MYOF: variants seen among roughly 807,000 people sequenced by gnomAD.
The protein encoded by MYOF is fer-1-like 3, myoferlin.
Under a neutral mutation model 284.2 loss-of-function variants are expected in MYOF, and 244 were observed. The observed-to-expected ratio is 0.86, with a 90% CI of 0.77 to 0.95. The LOEUF (loss-of-function observed/expected upper bound fraction) is 0.95. Ranked by LOEUF, MYOF falls within the 40% of genes least tolerant of loss-of-function variation. The probability of loss-of-function intolerance (pLI) is 0.00; values close to 1 mark genes in which losing one functional copy is unlikely to be tolerated. For synonymous variants in MYOF, 904 were observed against 919.7 expected (o/e 0.98, Z 0.31); for missense variants, 2,496 against 2,560.6 (o/e 0.97, Z 0.54).
At chr10:93,374,716 G>T in intron 23 of MYOF, 47 bp downstream of exon 23, 1 of 1,567,292 alleles carries the variant, frequency 6.4e-7, no homozygotes, top group Non-Finnish European at 8.7e-7. Context: ...ATTTCGCAGA[G>T]CCCTTCTTCC....
Position 93,363,952 on chromosome 10 carries a change from G to C in MYOF, c.2868+9C>G, listed in dbSNP as rs201703587. 4 of 1,612,722 alleles carry C rather than the reference G, an allele frequency of 2.5e-6. No homozygotes were observed. Among genetic ancestry groups the C allele is most frequent in the South Asian group, 1.1e-5 (1 of 90,996 alleles). On this transcript the variant is annotated intron_variant, in intron 27 of 53. Transcript: ENST00000359263. ...AGGTGAGAGTTTCTCTCCGGAGCAG[G>C]CCACTCACCGCATCCGTGTAGGTGT... is the stretch of plus-strand genomic sequence containing the variant.
At chr10:93,307,112 C>CTTG in intron 53 of MYOF, 111 bp from the exon 54 acceptor site, 1 of 1,009,314 alleles carries the variant, frequency 9.9e-7, no homozygotes, top group Non-Finnish European at 1.5e-6. Context: ...ATGATTCTTT[C>CTTG]TTGTTGGGGA....
intron 48 of MYOF, among the ~76,000 whole-genome samples, chr10:93,320,681 G>A (rs1261665803): frequency 6.6e-6 from 1 of 151,958 alleles, no homozygotes; most frequent in Non-Finnish European, 1.5e-5. Flanking sequence ...CCTACTGAAG[G>A]AATGAATGAA....
chr10:93,397,307 G>GA lies in MYOF; in HGVS notation c.1291-18dup. ...TGAAGGAAACTAAAAAAATGAGACA[G>GA]AAAAAAGTAGTTATTTCTCAATGAT... On this transcript the variant is annotated splice_polypyrimidine_tract_variant and intron_variant, in intron 14 of 53. Coordinates refer to ENST00000359263, the MANE Select transcript of MYOF (RefSeq NM_013451.4). 4 of 1,598,530 alleles carry GA rather than the reference G, an allele frequency of 2.5e-6. No individual in the cohort carries two copies. In the South Asian group the frequency reaches 3.4e-5, roughly 13 times the overall value.
intron 1 of MYOF, among the ~76,000 whole-genome samples, chr10:93,465,055 G>C (rs2056971580): frequency 2.0e-5 from 3 of 152,156 alleles, no homozygotes; most frequent in Non-Finnish European, 4.4e-5. Flanking sequence ...ACTGTTCCCA[G>C]TACTTCCCAT....
In MYOF at chr10:93,397,232, G is replaced by T; in HGVS notation, c.1334+15C>A. The T allele has an allele frequency of 6.4e-7, 1 of 1,552,030 alleles. No homozygotes were observed. Among genetic ancestry groups the T allele is most frequent in the Middle Eastern group, 2.3e-4 (1 of 4,324 alleles). On this transcript the variant is annotated intron_variant, in intron 15 of 53. Transcript: ENST00000359263. ...ATTTTATGTTGAATTAGACACATAC[G>T]TATTTTCAACTCACCAGTCATATAT...
intron 51 of MYOF, 116 bp downstream of exon 51, chr10:93,312,904 C>T (rs909246850): frequency 9.0e-7 from 1 of 1,108,964 alleles, no homozygotes; most frequent in South Asian, 1.8e-5. Flanking sequence ...ATAACTTAAA[C>T]TCCCACCAAT....
intron 3 of MYOF, among the ~76,000 whole-genome samples, chr10:93,438,424 C>T (rs954203687): frequency 7.2e-5 from 11 of 152,114 alleles, no homozygotes; most frequent in African/African-American, 2.4e-4. Flanking sequence ...AGGTAAAATC[C>T]CCGCAAAGGG....
At chr10:93,422,331 G>A (rs1848387817) in intron 5 of MYOF, among the ~76,000 whole-genome samples, 2 of 152,216 alleles carry the variant, frequency 1.3e-5, no homozygotes, top group South Asian at 4.1e-4. Context: ...GGCTGCGCTT[G>A]TGCAGTTCCC....
intron 3 of MYOF, among the ~76,000 whole-genome samples, chr10:93,450,709 C>G (rs1470406522): frequency 6.6e-6 from 1 of 152,232 alleles, no homozygotes; most frequent in Non-Finnish European, 1.5e-5. Context: ...CCTACCTCAA[C>G]TAATTTATCC....
At chr10:93,461,684 T>C (rs1432922413) in intron 1 of MYOF, among the ~76,000 whole-genome samples, 1 of 152,118 alleles carries the variant, frequency 6.6e-6, no homozygotes, top group Non-Finnish European at 1.5e-5. Flanking sequence ...CCCAACCAGC[T>C]GGAACCAAAG....
intron 52 of MYOF, 111 bp downstream of exon 52, chr10:93,310,423 A>G: frequency 8.8e-7 from 1 of 1,132,076 alleles, no homozygotes; most frequent in Non-Finnish European, 1.3e-6. Flanking sequence ...CCACTATTAA[A>G]TACCAGATTA....
intron 49 of MYOF, 63 bp from the exon 50 acceptor site, chr10:93,316,876 A>G: frequency 7.3e-7 from 1 of 1,370,330 alleles, no homozygotes; most frequent in Non-Finnish European, 1.0e-6. Context: ...TCCTTAAGAC[A>G]GCATCAAAGC....
intron 3 of MYOF, 137 bp downstream of exon 3, chr10:93,451,913 G>T (rs2056601124): frequency 1.4e-6 from 1 of 704,674 alleles, no homozygotes; most frequent in African/African-American, 1.8e-5. Context: ...TGGCTTAGAA[G>T]GGAGCGGGGC....
rs753879632 is a variant in MYOF at position 93,328,811 on chromosome 10, C to T, written c.5083G>A (p.Gly1695Arg). 6.2e-7 allele frequency: 1 copy of T among 1,613,690 alleles called. No individual in the cohort carries two copies. The change falls in exon 45 of 54, where the codon GGG (glycine) becomes AGG (arginine). Residue 1695 changes from glycine to arginine, a missense_variant. Coordinates refer to ENST00000359263, the MANE Select transcript of MYOF (RefSeq NM_013451.4). ...CGTCCTCCATATCTGATTCTACTCC[C>T]ATCTTCGGAAAGGATGGGTTGTGGG... ...GFPQPILSED[G>R]SRIRYGGRDY... is the part of the protein sequence containing the mutation.
chr10:93,328,047 G>A (rs1843132700), intron 45 of MYOF, among the ~76,000 whole-genome samples: 1 of 152,120 alleles, frequency 6.6e-6, no homozygotes, highest in Non-Finnish European at 1.5e-5. Context: ...TGAGATTACA[G>A]GTGTGAGCCA....
At chr10:93,328,957 G>A (rs1389600741) in intron 44 of MYOF, 46 bp from the exon 45 acceptor site, 13 of 1,555,246 alleles carry the variant, frequency 8.4e-6, no homozygotes, top group East Asian at 6.8e-5. Flanking sequence ...GAGCCTGCAG[G>A]TTCTTCTCAG....
intron 48 of MYOF, among the ~76,000 whole-genome samples, chr10:93,321,666 C>A (rs980996218): frequency 2.6e-5 from 4 of 151,934 alleles, no homozygotes; most frequent in Non-Finnish European, 5.9e-5. Context: ...ATCATCCTAC[C>A]CTAGACTGCT....
intron 5 of MYOF, among the ~76,000 whole-genome samples, chr10:93,413,120 G>A (rs1371161358): frequency 6.6e-6 from 1 of 152,146 alleles, no homozygotes; most frequent in Non-Finnish European, 1.5e-5. Flanking sequence ...CAGTAAGCAG[G>A]AGAAAAAGTC....
Sources: allele counts gnomAD v4.1 joint callset (sites outside exome capture counted in the v4.1 genomes callset), GRCh38; gene constraint gnomAD v4.1.1; transcripts MANE v1.5; gene names NCBI Gene and HGNC (gene_info 2026-07-23, HGNC 2026-07-21).